Variants in TNNI3K observed in about 807,000 individuals in gnomAD.
TNNI3K encodes the protein TNNI3 interacting kinase, also known as serine/threonine-protein kinase TNNI3K.
A neutral mutation model predicts 114.5 loss-of-function variants in TNNI3K; 140 were observed. That is an observed-to-expected ratio of 1.22 (90% confidence interval 1.07 to 1.41). TNNI3K has a LOEUF of 1.41. TNNI3K is among the 40% of genes most tolerant of loss of function. TNNI3K has a pLI of 0.00. For synonymous variants in TNNI3K, 347 were observed against 347.5 expected, an observed-to-expected ratio of 1.00 and a Z score of 0.02; for missense variants, 1,125 against 1,007.6, an observed-to-expected ratio of 1.12 and a Z score of -1.58.
At chr1:74,491,081 T>G (rs1669048421) in intron 22 of TNNI3K, among the ~76,000 whole-genome samples, 2 of 152,174 alleles carry the variant, frequency 1.3e-5, no homozygotes, top group South Asian at 2.1e-4. Flanking sequence ...AAGGAATAAT[T>G]AAAACTGGGA....
chr1:74,406,667 G>C (rs898880480), intron 17 of TNNI3K, among the ~76,000 whole-genome samples: 2 of 152,174 alleles, frequency 1.3e-5, no homozygotes, highest in Non-Finnish European at 2.9e-5. Context: ...CCTATGCAAA[G>C]TTATTTTTGC....
intron 2 of TNNI3K, among the ~76,000 whole-genome samples, chr1:74,239,347 C>A (rs144749883): frequency 6.6e-6 from 1 of 152,164 alleles, no homozygotes; most frequent in East Asian, 1.9e-4. Context: ...CTCACTCATT[C>A]ACAAAATTTT....
At chr1:74,272,667 T>C (rs946004060) in intron 5 of TNNI3K, among the ~76,000 whole-genome samples, 1 of 151,896 alleles carries the variant, frequency 6.6e-6, no homozygotes, top group African/African-American at 2.4e-5. Context: ...TTAAAGGTCA[T>C]AGGAAGGACT....
At chr1:74,379,043 CTACT>C (rs146179918) in intron 17 of TNNI3K, among the ~76,000 whole-genome samples, 1 of 151,976 alleles carries the variant, frequency 6.6e-6, no homozygotes, top group African/African-American at 2.4e-5. Context: ...TGAATGAAAA[CTACT>C]TAATAAAGCA....
At position 74,354,128 on chromosome 1, in the gene TNNI3K, A is replaced by G; in HGVS notation, c.1176A>G (p.Lys392=). Residue 392 remains lysine (K), a splice_region_variant and synonymous_variant, in exon 11 of 25, where the codon AAA becomes AAG. Transcript: ENST00000326637. ...EQTCLMWAYE[K]GHDAIVTLLK... ...CATGTTTGATGTGGGCTTATGAAAA[A>G]GGTATATTTTTAATCATCGTGTCTC... 6.2e-7 allele frequency: 1 copy of G among 1,613,952 alleles called. No individual in the cohort carries two copies. Among genetic ancestry groups the G allele is most frequent in the Non-Finnish European group, 8.5e-7 (1 of 1,179,928 alleles).
At chr1:74,422,240 T>A (rs1378707086) in intron 17 of TNNI3K, among the ~76,000 whole-genome samples, 1 of 151,972 alleles carries the variant, frequency 6.6e-6, no homozygotes, top group Non-Finnish European at 1.5e-5. Context: ...TATATGTGTA[T>A]TTTTTATCAC....
intron 23 of TNNI3K, among the ~76,000 whole-genome samples, chr1:74,503,359 C>G (rs1486071512): frequency 5.3e-5 from 8 of 152,112 alleles, no homozygotes; most frequent in Non-Finnish European, 4.4e-5. Context: ...TTTACTTATT[C>G]AAAGAATGCT....
intron 24 of TNNI3K, among the ~76,000 whole-genome samples, chr1:74,541,922 C>A (rs200297250): frequency 2.0e-5 from 3 of 152,308 alleles, no homozygotes; most frequent in African/African-American, 7.2e-5. Context: ...CTTCTTCTCC[C>A]CCTGCTTTGC....
intron 23 of TNNI3K, among the ~76,000 whole-genome samples, chr1:74,530,555 C>T (rs1232686070): frequency 6.6e-6 from 1 of 152,064 alleles, no homozygotes. Flanking sequence ...ACTAGAAGAT[C>T]AGAATTCTAG....
chr1:74,465,013 G>A, intron 21 of TNNI3K: 2 of 1,132,484 alleles, frequency 1.8e-6, no homozygotes, highest in Non-Finnish European at 2.2e-6. Context: ...AAATAGTTTA[G>A]GAAAACATTT....
At chr1:74,393,375 A>G (rs553318321) in intron 17 of TNNI3K, among the ~76,000 whole-genome samples, 1 of 152,148 alleles carries the variant, frequency 6.6e-6, no homozygotes, top group Non-Finnish European at 1.5e-5. Context: ...AAAAAAAAGG[A>G]GAAAGAAAAA....
chr1:74,436,116 G>C lies in TNNI3K; in HGVS notation c.1809G>C (p.Val603=), dbSNP rs1285562890. ...NILLYEDGHA[V]VADFGESRFL... ...TTCTCTATGAGGATGGGCATGCTGT[G>C]GTGGCAGATTTTGGAGGTGAGATAC... Residue 603 remains valine (V), a synonymous_variant, in exon 18 of 25, where the codon GTG becomes GTC. Coordinates refer to ENST00000326637, the MANE Select transcript of TNNI3K (RefSeq NM_015978.3). 2 of 1,608,402 alleles carry C rather than the reference G, an allele frequency of 1.2e-6. No homozygotes were observed. The highest frequency in any genetic ancestry group is 2.2e-5 in the East Asian group (1 of 44,688).
At chr1:74,312,824 G>A (rs1026209729) in intron 5 of TNNI3K, among the ~76,000 whole-genome samples, 7 of 152,146 alleles carry the variant, frequency 4.6e-5, no homozygotes, top group Non-Finnish European at 7.3e-5. Context: ...ATCTTAAAAC[G>A]GGAGTTGAGG....
At chr1:74,506,744 G>A (rs1669923002) in intron 23 of TNNI3K, among the ~76,000 whole-genome samples, 1 of 152,096 alleles carries the variant, frequency 6.6e-6, no homozygotes, top group Non-Finnish European at 1.5e-5. Flanking sequence ...GGACCTTTTA[G>A]TTTTAGTGTA....
chr1:74,247,082 A>G (rs1169102801), intron 2 of TNNI3K, among the ~76,000 whole-genome samples: 1 of 152,184 alleles, frequency 6.6e-6, no homozygotes, highest in East Asian at 1.9e-4. Context: ...TCTTGGTCTC[A>G]CTGACTTCAA....
chr1:74,350,075 T>C (rs193110878), intron 9 of TNNI3K, among the ~76,000 whole-genome samples: 242 of 152,312 alleles, frequency 1.6e-3, no homozygotes, highest in African/African-American at 5.7e-3. Flanking sequence ...GGGTGTCAAT[T>C]TTAGATCTTT....
intron 17 of TNNI3K, among the ~76,000 whole-genome samples, chr1:74,391,741 G>A (rs1002871047): frequency 6.6e-6 from 1 of 152,076 alleles, no homozygotes; most frequent in Admixed American, 6.6e-5. Context: ...GAGAAGAGAA[G>A]AGGACCTAAG....
intron 18 of TNNI3K, 46 bp downstream of exon 18, chr1:74,436,178 G>C (rs763334774): frequency 2.3e-5 from 37 of 1,602,372 alleles, no homozygotes; most frequent in Non-Finnish European, 3.2e-5. Flanking sequence ...GTTCCTAGCT[G>C]GTACAATATG....
intron 2 of TNNI3K, among the ~76,000 whole-genome samples, chr1:74,237,374 G>A (rs1479827865): frequency 1.3e-5 from 2 of 151,934 alleles, no homozygotes; most frequent in Non-Finnish European, 2.9e-5. Context: ...TATTTGTTTT[G>A]TTGGAAAAGT....
Sources: gnomAD v4.1 joint callset for allele counts (sites outside exome capture counted in the v4.1 genomes callset) on GRCh38, gnomAD v4.1.1 for gene constraint, MANE v1.5 for transcripts, NCBI Gene and HGNC (gene_info 2026-07-23, HGNC 2026-07-21) for gene names.